PRR16: variants seen among roughly 807,000 people sequenced by gnomAD.
The protein encoded by PRR16 is protein Largen.
PRR16 carries 6 observed loss-of-function variants against 18.2 expected under a neutral mutation model. The ratio of observed to expected loss-of-function variants is 0.33; its 90% CI spans 0.18 to 0.65. The LOEUF (loss-of-function observed/expected upper bound fraction) is 0.65. Ranked by LOEUF, PRR16 falls within the 30% of genes least tolerant of loss-of-function variation. The pLI, the probability that PRR16 is intolerant of heterozygous loss-of-function variation, is 0.74. For synonymous variants in PRR16, 151 were observed against 147.8 expected (o/e 1.02, Z -0.16); for missense variants, 412 against 376.6 (o/e 1.09, Z -0.78).
At chr5:120,741,625 A>T in the PRR16 span, among the ~76,000 whole-genome samples, 1 of 152,088 alleles carries the variant, frequency 6.6e-6, no homozygotes, top group Non-Finnish European at 1.5e-5. Context: ...GTTTTTTGAC[A>T]GTATCTCGCT....
At chr5:120,699,450 A>C in the PRR16 span, among the ~76,000 whole-genome samples, 9 of 152,212 alleles carry the variant, frequency 5.9e-5, no homozygotes, top group African/African-American at 1.9e-4. Context: ...GTGTGGTATC[A>C]GTAATAATGT....
chr5:120,787,987 T>A, the PRR16 span, among the ~76,000 whole-genome samples: 6 of 151,998 alleles, frequency 3.9e-5, no homozygotes, highest in African/African-American at 1.2e-4. Flanking sequence ...TTCTATGCCT[T>A]TGATCATGCT....
chr5:120,502,321 A>G (rs1167738703), intron 1 of PRR16, among the ~76,000 whole-genome samples: 1 of 149,742 alleles, frequency 6.7e-6, no homozygotes, highest in Non-Finnish European at 1.5e-5. Context: ...TTAATTCCTA[A>G]TTAGTAAAGA....
the PRR16 span, among the ~76,000 whole-genome samples, chr5:120,786,285 T>C: frequency 6.6e-6 from 1 of 151,766 alleles, no homozygotes; most frequent in African/African-American, 2.4e-5. Flanking sequence ...TTTCAAGTTT[T>C]ATTTTCATGG....
chr5:120,588,429 C>A (rs1425637383), intron 1 of PRR16, among the ~76,000 whole-genome samples: 1 of 152,148 alleles, frequency 6.6e-6, no homozygotes, highest in Non-Finnish European at 1.5e-5. Context: ...TTTGCCACAG[C>A]CATCCCAACC....
At chr5:120,646,885 T>G (rs1000855881) in intron 1 of PRR16, among the ~76,000 whole-genome samples, 2 of 151,932 alleles carry the variant, frequency 1.3e-5, no homozygotes, top group African/African-American at 4.8e-5. Context: ...ATAATAGATA[T>G]CAGAAACAAG....
the PRR16 span, among the ~76,000 whole-genome samples, chr5:120,788,297 G>A: frequency 1.3e-5 from 2 of 151,952 alleles, no homozygotes; most frequent in South Asian, 2.1e-4. Flanking sequence ...ACAAATAATA[G>A]ATTGAAGTTT....
chr5:120,714,586 C>G, the PRR16 span, among the ~76,000 whole-genome samples: 1 of 152,104 alleles, frequency 6.6e-6, no homozygotes, highest in African/African-American at 2.4e-5. Flanking sequence ...ATGGTGATTC[C>G]TCAAGGATCT....
intron 1 of PRR16, among the ~76,000 whole-genome samples, chr5:120,515,937 C>G (rs78123686): frequency 0.012 from 1,836 of 152,256 alleles, 40 homozygotes; most frequent in African/African-American, 0.042. Flanking sequence ...TTAAGAGAGC[C>G]TCACCTAAAA....
intron 1 of PRR16, among the ~76,000 whole-genome samples, chr5:120,514,166 T>A (rs904704201): frequency 1.3e-5 from 2 of 152,162 alleles, no homozygotes; most frequent in African/African-American, 4.8e-5. Flanking sequence ...GAACCTAAGA[T>A]GCCATTTTTA....
chr5:120,580,032 T>G (rs1753215298), intron 1 of PRR16, among the ~76,000 whole-genome samples: 1 of 152,206 alleles, frequency 6.6e-6, no homozygotes, highest in Non-Finnish European at 1.5e-5. Flanking sequence ...GGCTCTGTAC[T>G]TGCCTATTGT....
At chr5:120,728,403 T>C in the PRR16 span, among the ~76,000 whole-genome samples, 8 of 151,938 alleles carry the variant, frequency 5.3e-5, no homozygotes, top group African/African-American at 1.9e-4. Context: ...TTATTTTTTC[T>C]CTGTTTTCTA....
the PRR16 span, among the ~76,000 whole-genome samples, chr5:120,785,572 G>GTTTTTTTTTT: frequency 2.7e-3 from 318 of 119,840 alleles, 33 homozygotes; most frequent in African/African-American, 6.4e-3. Context: ...TTTTGTTGTT[G>GTTTTTTTTTT]TTGTTTTTTT....
chr5:120,476,186 A>T (rs1749436400), intron 1 of PRR16, among the ~76,000 whole-genome samples: 1 of 152,280 alleles, frequency 6.6e-6, no homozygotes, highest in Non-Finnish European at 1.5e-5. Context: ...TCCCCTGCTT[A>T]AAAGATCACC....
At chr5:120,501,020 A>G (rs2112842754) in intron 1 of PRR16, among the ~76,000 whole-genome samples, 1 of 152,226 alleles carries the variant, frequency 6.6e-6, no homozygotes, top group Non-Finnish European at 1.5e-5. Flanking sequence ...ATGAAATACA[A>G]CAGAAATATA....
At chr5:120,527,371 CT>C (rs1178937734) in intron 1 of PRR16, among the ~76,000 whole-genome samples, 2 of 152,122 alleles carry the variant, frequency 1.3e-5, no homozygotes, top group Admixed American at 6.6e-5. Context: ...TAATGTTCAT[CT>C]GTAAAAGCCA....
chr5:120,745,922 A>T, the PRR16 span, among the ~76,000 whole-genome samples: 1 of 148,010 alleles, frequency 6.8e-6, no homozygotes, highest in Non-Finnish European at 1.5e-5. Context: ...CCAGGCTGTG[A>T]AACTGTCTTG....
At chr5:120,616,708 A>T (rs1040385661) in intron 1 of PRR16, among the ~76,000 whole-genome samples, 2 of 152,256 alleles carry the variant, frequency 1.3e-5, no homozygotes, top group Admixed American at 6.5e-5. Context: ...TTAATAACTC[A>T]TTGGGCTGCA....
At chr5:120,775,796 A>ATTTTTTTTTTTTTTTTTTTTTTT in the PRR16 span, among the ~76,000 whole-genome samples, 2 of 80,618 alleles carry the variant, frequency 2.5e-5, no homozygotes, top group Non-Finnish European at 2.5e-5. Context: ...ACGCCTGGCT[A>ATTTTTTTTTTTTTTTTTTTTTTT]TTTTTTTTTT....
Sources: gnomAD v4.1 joint callset for allele counts (sites outside exome capture counted in the v4.1 genomes callset) on GRCh38, gnomAD v4.1.1 for gene constraint, MANE v1.5 for transcripts, NCBI Gene and HGNC (gene_info 2026-07-23, HGNC 2026-07-21) for gene names.